The following AAMDC variants were observed in gnomAD, a reference collection of about 807,000 sequenced individuals.
AAMDC encodes adipogenesis associated Mth938 domain containing, also known as mth938 domain-containing protein.
A neutral mutation model predicts 15.5 loss-of-function variants in AAMDC; 16 were observed. The ratio of observed to expected loss-of-function variants is 1.03; its 90% CI spans 0.70 to 1.57. AAMDC has a LOEUF of 1.57. Ranked by LOEUF, AAMDC falls within the 40% of genes most tolerant of loss-of-function variation. The pLI is 0.00. For missense variants in AAMDC, 141 were observed against 144.9 expected (o/e 0.97, Z 0.14); for synonymous variants, 51 against 51.6 (o/e 0.99, Z 0.05).
At chr11:77,844,955 G>C (rs548346740) in intron 2 of AAMDC, among the ~76,000 whole-genome samples, 5 of 152,184 alleles carry the variant, frequency 3.3e-5, no homozygotes, top group African/African-American at 1.2e-4. Flanking sequence ...GGCTTCATTG[G>C]TTTCTAATGA....
chr11:77,830,676 G>T (rs1444253933), intron 1 of AAMDC, among the ~76,000 whole-genome samples: 4 of 151,712 alleles, frequency 2.6e-5, no homozygotes, highest in Non-Finnish European at 4.4e-5. Context: ...GTTACACAGT[G>T]GCACCCCAAA....
At chr11:77,822,556 C>T (rs1259052484) in intron 1 of AAMDC, among the ~76,000 whole-genome samples, 1 of 151,686 alleles carries the variant, frequency 6.6e-6, no homozygotes, top group African/African-American at 2.4e-5. Flanking sequence ...ACACAAACAC[C>T]GAATTTTTTT....
intron 1 of AAMDC, among the ~76,000 whole-genome samples, chr11:77,835,140 G>A (rs1457656585): frequency 3.9e-5 from 6 of 152,178 alleles, no homozygotes; most frequent in Non-Finnish European, 8.8e-5. Flanking sequence ...GCAATTGAGT[G>A]TGACCACATG....
At chr11:77,828,800 T>G (rs1479666304) in intron 1 of AAMDC, among the ~76,000 whole-genome samples, 3 of 152,228 alleles carry the variant, frequency 2.0e-5, no homozygotes, top group Admixed American at 6.5e-5. Flanking sequence ...TACCTTTAAG[T>G]TGAAGTACAG....
rs140971529 is a variant in AAMDC at position 77,825,458 on chromosome 11, A to G, written c.-19+4217A>G. The stretch of plus-strand genomic sequence containing the variant: ...ACGGTGGTTCAAAAAAGCTGAAGGT[A>G]TATGGACTTAATATTACATGTAGTG... On this transcript the variant is annotated intron_variant, in intron 1 of 3. Coordinates refer to ENST00000393427, the MANE Select transcript of AAMDC (RefSeq NM_024684.4). Among the ~76,000 whole-genome samples the G allele has an allele frequency of 3.6e-3, 549 of 152,316 alleles. 1 individual carries two copies. Among genetic ancestry groups the G allele is most frequent in the African/African-American group, 0.012 (517 of 41,574 alleles).
chr11:77,847,794 A>G (rs906131396), intron 2 of AAMDC, among the ~76,000 whole-genome samples: 2 of 152,190 alleles, frequency 1.3e-5, no homozygotes, highest in Non-Finnish European at 2.9e-5. Flanking sequence ...AACTAGTAGG[A>G]GATACATATA....
At chr11:77,901,366 T>C (rs1183912337), downstream of AAMDC, 26 of 1,584,800 alleles carry the variant, frequency 1.6e-5, no homozygotes, top group Non-Finnish European at 2.2e-5. Flanking sequence ...CTGAATGCAT[T>C]TGAAGTATCT....
chr11:77,864,934 A>G (rs956203314), intron 2 of AAMDC, among the ~76,000 whole-genome samples: 1 of 152,086 alleles, frequency 6.6e-6, no homozygotes. Context: ...CCCTGATTGC[A>G]CCACTGCCCT....
chr11:77,886,787 A>G (rs114270545), intron 5 of AAMDC, among the ~76,000 whole-genome samples: 1,856 of 152,226 alleles, frequency 0.012, 39 homozygotes, highest in African/African-American at 0.042. Flanking sequence ...AGGCCTTGCT[A>G]AGAAACTCAC....
In AAMDC at chr11:77,897,435, CAT is replaced by C. The variant is rs200659076; in HGVS notation, c.329-3134_329-3133del. On this transcript the variant is annotated intron_variant, in intron 5 of 5. Transcript: ENST00000304716. ...AACTTTAAAAGATTATATTTATAAA[CAT>C]AAAAATTAATAGAAGCTACATTATA... Among the ~76,000 whole-genome samples, 708 of 151,284 alleles carry C rather than the reference CAT, an allele frequency of 4.7e-3. 17 individuals are homozygous for C. Among genetic ancestry groups the C allele is most frequent in the African/African-American group, 0.016 (654 of 41,248 alleles).
Position 77,848,674 on chromosome 11 carries a change from T to C in AAMDC, c.132+6046T>C, listed in dbSNP as rs187165922. ...CGTGCCTGGCCAACCTCATTCTTTA[T>C]AGAAACTTAAGCACAGAGAAGTTAT... On this transcript the variant is annotated intron_variant, in intron 2 of 3. Transcript: ENST00000393427. 1.9e-3 allele frequency among the ~76,000 whole-genome samples: 287 copies of C among 152,340 alleles called. 4 individuals are homozygous for C. The highest frequency in any genetic ancestry group is 6.7e-3 in the African/African-American group (279 of 41,590).
chr11:77,875,822 C>A (rs1177881559), downstream of AAMDC, among the ~76,000 whole-genome samples: 1 of 152,154 alleles, frequency 6.6e-6, no homozygotes, highest in African/African-American at 2.4e-5. Flanking sequence ...CTGAGGAGCA[C>A]ATTCCCAGGC....
At chr11:77,825,032 G>A (rs1329943651) in intron 1 of AAMDC, among the ~76,000 whole-genome samples, 1 of 152,138 alleles carries the variant, frequency 6.6e-6, no homozygotes, top group African/African-American at 2.4e-5. Context: ...CCAGGCTAGA[G>A]TGCAGTGACG....
chr11:77,868,696 T>C, intron 2 of AAMDC: 1 of 195,988 alleles, frequency 5.1e-6, no homozygotes. Context: ...GTTGTTGTTG[T>C]TGTTTTTTAA....
chr11:77,862,688 G>C (rs1950933833), intron 2 of AAMDC, among the ~76,000 whole-genome samples: 1 of 152,132 alleles, frequency 6.6e-6, no homozygotes, highest in Non-Finnish European at 1.5e-5. Context: ...ATAATTGCGA[G>C]TTGTCTCTTA....
chr11:77,836,023 T>G (rs1373010929), intron 1 of AAMDC, among the ~76,000 whole-genome samples: 1 of 152,194 alleles, frequency 6.6e-6, no homozygotes, highest in African/African-American at 2.4e-5. Context: ...ATTTTCTCAC[T>G]TATTAGCTAT....
At chr11:77,835,353 CCTG>C (rs1949635695) in intron 1 of AAMDC, among the ~76,000 whole-genome samples, 1 of 152,100 alleles carries the variant, frequency 6.6e-6, no homozygotes, top group East Asian at 1.9e-4. Context: ...GAGGCTGAAA[CCTG>C]GAAGCCACCT....
chr11:77,870,482 G>A (rs1005073726), intron 3 of AAMDC, among the ~76,000 whole-genome samples: 9 of 151,430 alleles, frequency 5.9e-5, no homozygotes, highest in African/African-American at 1.5e-4. Context: ...GACTACAGGC[G>A]CCCACCACCA....
chr11:77,877,111 G>A (rs541229874), downstream of AAMDC: 42 of 693,738 alleles, frequency 6.1e-5, no homozygotes, highest in East Asian at 3.0e-4. Context: ...TCCCTCTTTC[G>A]CACTCATGAC....
Sources: allele counts gnomAD v4.1 joint callset (sites outside exome capture counted in the v4.1 genomes callset), GRCh38; gene constraint gnomAD v4.1.1; transcripts MANE v1.5; gene names NCBI Gene and HGNC (gene_info 2026-07-23, HGNC 2026-07-21).